The following RNF145 variants were observed in gnomAD, a reference collection of about 807,000 sequenced individuals.
RNF145 encodes ring finger protein 145.
In RNF145, 12 loss-of-function variants were observed where a neutral mutation model predicts 57.3. That is an observed-to-expected ratio of 0.21 (90% CI 0.13 to 0.34). The LOEUF (loss-of-function observed/expected upper bound fraction) is 0.34. Ranked by LOEUF, RNF145 falls within the 10% of genes least tolerant of loss-of-function variation. The probability of loss-of-function intolerance (pLI) is 1.00; values close to 1 mark genes in which losing one functional copy is unlikely to be tolerated. For synonymous variants in RNF145, 262 were observed against 288.3 expected (o/e 0.91, Z 0.92); for missense variants, 429 against 799.0 (o/e 0.54, Z 5.58).
intron 9 of RNF145, 119 bp from the exon 10 acceptor site, chr5:159,161,741 G>C (rs17056583): frequency 0.12 from 76,160 of 626,316 alleles, 5,925 homozygotes; most frequent in East Asian, 0.35. Flanking sequence ...CAAATATACA[G>C]AAGAGTATCC....
rs1784934326 is a variant in RNF145 at position 159,182,777 on chromosome 5, C to T, written c.294-726G>A. ...AACCAGGGAGAATTTAGTTTATTAT[C>T]AGTAAGTTACATGGGAGTACTGGAA... is the stretch of plus-strand genomic sequence containing the variant. On this transcript the variant is annotated intron_variant, in intron 3 of 10. Transcript: ENST00000424310. 2.0e-5 allele frequency among the ~76,000 whole-genome samples: 3 copies of T among 152,182 alleles called. No individual in the cohort carries two copies. The South Asian group carries it at 6.2e-4, about 32-fold the overall frequency.
intron 3 of RNF145, among the ~76,000 whole-genome samples, chr5:159,193,830 T>C (rs1371857922): frequency 6.6e-6 from 1 of 152,228 alleles, no homozygotes; most frequent in Non-Finnish European, 1.5e-5. Flanking sequence ...TTATGGCTTG[T>C]ACTATATGCA....
chr5:159,190,039 T>C (rs1785234503), intron 3 of RNF145, among the ~76,000 whole-genome samples: 2 of 152,198 alleles, frequency 1.3e-5, no homozygotes, highest in Admixed American at 1.3e-4. Flanking sequence ...CTGAGCTGTA[T>C]ACATATATAC....
At chr5:159,189,515 C>T (rs1474051547) in intron 3 of RNF145, among the ~76,000 whole-genome samples, 1 of 152,212 alleles carries the variant, frequency 6.6e-6, no homozygotes, top group African/African-American at 2.4e-5. Flanking sequence ...ATATGAAACA[C>T]TGCAGCCATT....
chr5:159,201,809 C>T (rs1785678260), intron 2 of RNF145, among the ~76,000 whole-genome samples: 1 of 152,116 alleles, frequency 6.6e-6, no homozygotes. Context: ...AGAGTGAGAA[C>T]TCAGCGAATG....
At chr5:159,176,909 C>A (rs1784738668) in intron 4 of RNF145, 42 bp from the exon 5 acceptor site, 2 of 1,216,668 alleles carry the variant, frequency 1.6e-6, no homozygotes, top group Admixed American at 4.5e-5. Flanking sequence ...GAGTATTTGG[C>A]ATCCACAAAA....
At chr5:159,206,504 T>C (rs1785885945) in intron 1 of RNF145, among the ~76,000 whole-genome samples, 1 of 152,168 alleles carries the variant, frequency 6.6e-6, no homozygotes, top group South Asian at 2.1e-4. Flanking sequence ...AACTTTAAAA[T>C]ATTCATCTTC....
intron 1 of RNF145, chr5:159,207,720 C>A (rs1343406269): frequency 1.2e-6 from 2 of 1,613,116 alleles, no homozygotes; most frequent in South Asian, 2.2e-5. Context: ...TGGTCCTCCC[C>A]ACTCCCACTC....
rs1041058171 is a variant in RNF145 at position 159,163,856 on chromosome 5, C to T, written c.1122-777G>A. Among the ~76,000 whole-genome samples the T allele has an allele frequency of 5.9e-5, 9 of 152,294 alleles. No homozygotes were observed. The East Asian group carries it at 1.2e-3, about 20-fold the overall frequency. ...TCTCAGCAAAACACAAGCACTCTTA[C>T]GTCCCACTAGAAATTCCTCCATCAT... On this transcript the variant is annotated intron_variant, in intron 8 of 10. Coordinates refer to ENST00000424310, the MANE Select transcript of RNF145 (RefSeq NM_001199383.2).
chr5:159,175,498 ATTAT>A (rs1320438820), intron 5 of RNF145, among the ~76,000 whole-genome samples: 3 of 152,172 alleles, frequency 2.0e-5, no homozygotes, highest in African/African-American at 7.2e-5. Flanking sequence ...CTGAATATTC[ATTAT>A]TTATTACAAA....
At chr5:159,165,023 CTTTT>C (rs568407639) in intron 8 of RNF145, among the ~76,000 whole-genome samples, 2 of 152,082 alleles carry the variant, frequency 1.3e-5, no homozygotes, top group Non-Finnish European at 2.9e-5. Flanking sequence ...TTTTCCTTTC[CTTTT>C]TTAATTCCCA....
chr5:159,194,600 G>A (rs905403926), intron 3 of RNF145, 116 bp downstream of exon 3: 1 of 691,164 alleles, frequency 1.4e-6, no homozygotes, highest in Non-Finnish European at 2.6e-6. Flanking sequence ...TATCAAACCA[G>A]TTTTGGACCT....
At chr5:159,199,393 A>G (rs1056354323) in intron 2 of RNF145, among the ~76,000 whole-genome samples, 4 of 152,160 alleles carry the variant, frequency 2.6e-5, no homozygotes, top group African/African-American at 9.6e-5. Flanking sequence ...AATCAGGAAA[A>G]AAAAAAAAAA....
intron 2 of RNF145, among the ~76,000 whole-genome samples, chr5:159,198,395 T>C (rs1394797679): frequency 6.6e-6 from 1 of 152,176 alleles, no homozygotes; most frequent in Non-Finnish European, 1.5e-5. Context: ...TATTTAAACA[T>C]TATGGTAGTT....
intron 10 of RNF145, among the ~76,000 whole-genome samples, chr5:159,159,545 T>C (rs748798687): frequency 2.0e-5 from 3 of 152,204 alleles, no homozygotes; most frequent in Non-Finnish European, 4.4e-5. Flanking sequence ...ACGGACAATG[T>C]ATATACCCAG....
At chr5:159,210,005 A>G (rs898934682), upstream of RNF145, 1 of 1,011,212 alleles carries the variant, frequency 9.9e-7, no homozygotes, top group Non-Finnish European at 1.5e-6. Flanking sequence ...GCCCAGCACC[A>G]AGTGCAGGCA....
At chr5:159,203,967 T>C (rs1287543298) in intron 1 of RNF145, among the ~76,000 whole-genome samples, 1 of 152,246 alleles carries the variant, frequency 6.6e-6, no homozygotes, top group Admixed American at 6.5e-5. Context: ...CTGTAACTTG[T>C]ATAAAATTAA....
chr5:159,168,250 T>G (rs181307640), intron 8 of RNF145, among the ~76,000 whole-genome samples: 9 of 152,298 alleles, frequency 5.9e-5, no homozygotes, highest in African/African-American at 1.9e-4. Context: ...ACTACTACTA[T>G]GTATCAATAA....
intron 10 of RNF145, among the ~76,000 whole-genome samples, chr5:159,160,288 C>T (rs764267228): frequency 3.9e-5 from 6 of 151,914 alleles, no homozygotes; most frequent in Non-Finnish European, 8.8e-5. Context: ...TGCAAAACCG[C>T]CTGGAGAACA....
Sources: allele counts gnomAD v4.1 joint callset (sites outside exome capture counted in the v4.1 genomes callset), GRCh38; gene constraint gnomAD v4.1.1; transcripts MANE v1.5; gene names NCBI Gene and HGNC (gene_info 2026-07-23, HGNC 2026-07-21).